The following GCNT2 variants were observed in gnomAD, a reference collection of about 807,000 sequenced individuals.
The protein encoded by GCNT2 is N-acetyllactosaminide beta-1,6-N-acetylglucosaminyl-transferase.
Under a neutral mutation model 34.2 loss-of-function variants are expected in GCNT2, and 34 were observed. The observed-to-expected ratio is 1.00, with a 90% CI of 0.76 to 1.32. The LOEUF (loss-of-function observed/expected upper bound fraction) is 1.32, where lower values mean the gene tolerates loss of function less well. Ranked by LOEUF, GCNT2 falls within the 40% of genes most tolerant of loss-of-function variation. The pLI is 0.00. For synonymous variants in GCNT2, 212 were observed against 188.0 expected (o/e 1.13, Z -1.04); for missense variants, 584 against 489.4 (o/e 1.19, Z -1.82).
At chr6:10,542,849 C>G (rs1289431524) in intron 3 of GCNT2, among the ~76,000 whole-genome samples, 1 of 149,294 alleles carries the variant, frequency 6.7e-6, no homozygotes, top group Non-Finnish European at 1.5e-5. Context: ...TTCATTTCTC[C>G]TGGGTAGATA....
At chr6:10,586,801 G>A (rs1581449193) in intron 3 of GCNT2, 1 of 1,613,912 alleles carries the variant, frequency 6.2e-7, no homozygotes, top group East Asian at 2.2e-5. Context: ...GCGCTTACCA[G>A]AGACTTTGTC....
rs1020100928 is a variant in GCNT2, at chr6:10,627,706, C to T, written c.*1099C>T. On this transcript the variant is annotated 3_prime_UTR_variant, in exon 5 of 5. Transcript: ENST00000495262. ...AAAAGGAAACATAAGAGCTTTTTCA[C>T]TCTAAAAATCTTGGCAATAATGTCA... 1.3e-5 allele frequency: 2 copies of T among 152,150 alleles called. No individual in the cohort carries two copies. The highest frequency in any genetic ancestry group is 4.8e-5 in the African/African-American group (2 of 41,436). 9.4% of individuals were successfully genotyped at this position (152,150 alleles called of 1,614,324 possible). A position where few individuals can be genotyped will look rare whatever the true frequency, so the allele number is the denominator to read the frequency against.
intron 3 of GCNT2, among the ~76,000 whole-genome samples, chr6:10,582,244 AATAT>A (rs1174591255): frequency 8.2e-6 from 1 of 121,226 alleles, no homozygotes; most frequent in Admixed American, 1.0e-4. Context: ...AAATATATAA[AATAT>A]ATATAATATA....
chr6:10,577,316 C>T (rs1763864641), intron 3 of GCNT2, among the ~76,000 whole-genome samples: 1 of 152,220 alleles, frequency 6.6e-6, no homozygotes, highest in Admixed American at 6.5e-5. Context: ...CTGGAGTTGC[C>T]TCCTCTCATC....
chr6:10,544,920 T>C (rs61067902), intron 3 of GCNT2, among the ~76,000 whole-genome samples: 2,600 of 150,952 alleles, frequency 0.017, 31 homozygotes, highest in African/African-American at 0.025. Context: ...ACCCCAGCCT[T>C]GGCAACAGAG....
chr6:10,588,290 C>T (rs1237673970), intron 3 of GCNT2, among the ~76,000 whole-genome samples: 1 of 152,188 alleles, frequency 6.6e-6, no homozygotes, highest in African/African-American at 2.4e-5. Context: ...TCTTTACAAT[C>T]ACCTATTTTA....
intron 3 of GCNT2, among the ~76,000 whole-genome samples, chr6:10,615,379 A>T (rs1765715596): frequency 6.6e-6 from 1 of 152,096 alleles, no homozygotes; most frequent in Non-Finnish European, 1.5e-5. Flanking sequence ...CAGTGGCCTG[A>T]TTTTGGCTCA....
At chr6:10,622,713 C>T (rs1044072384) in intron 4 of GCNT2, among the ~76,000 whole-genome samples, 3 of 144,286 alleles carry the variant, frequency 2.1e-5, no homozygotes, top group Non-Finnish European at 3.0e-5. Flanking sequence ...TCTATGGCAA[C>T]GAGACTTTGC....
intron 3 of GCNT2, among the ~76,000 whole-genome samples, chr6:10,531,501 A>ATATT (rs1761486701): frequency 6.6e-6 from 1 of 152,186 alleles, no homozygotes; most frequent in Non-Finnish European, 1.5e-5. Context: ...CTAACTATTG[A>ATATT]TATTTGTACA....
At chr6:10,535,208 G>C (rs1020587631) in intron 3 of GCNT2, among the ~76,000 whole-genome samples, 2 of 151,994 alleles carry the variant, frequency 1.3e-5, no homozygotes, top group Non-Finnish European at 2.9e-5. Context: ...ACAAAAACAT[G>C]GTCCATCCAG....
chr6:10,525,722 C>T (rs573974378), intron 1 of GCNT2, among the ~76,000 whole-genome samples: 140 of 152,202 alleles, frequency 9.2e-4, no homozygotes, highest in African/African-American at 3.1e-3. Flanking sequence ...ATCAAGGGAC[C>T]GTCTTAGCAT....
Position 10,626,319 on chromosome 6 carries a change from T to C in GCNT2, c.1019-98T>C, listed in dbSNP as rs984190637. The C allele has an allele frequency of 4.7e-6, 4 of 858,908 alleles. No homozygotes were observed. The African/African-American group carries it at 6.6e-5, about 14-fold the overall frequency. The allele number at this position is 858,908 out of a possible 1,614,324, so 53.2% of individuals were successfully genotyped here. A position where few individuals can be genotyped will look rare whatever the true frequency, so the allele number is the denominator to read the frequency against. On this transcript the variant is annotated intron_variant, in intron 4 of 4. Transcript: ENST00000495262. The stretch of plus-strand genomic sequence containing the variant: ...TTTGAATCCTGTACCATTGGCACAG[T>C]TGTAGTTAGTCGGAGAGTACCTCTA...
chr6:10,610,216 G>A (rs1765489712), intron 3 of GCNT2, among the ~76,000 whole-genome samples: 1 of 152,212 alleles, frequency 6.6e-6, no homozygotes, highest in African/African-American at 2.4e-5. Flanking sequence ...GGCGACTCCT[G>A]TACTGTGCAA....
At chr6:10,542,918 T>TTTTTTTTTTTTTTTTG (rs1554127853) in intron 3 of GCNT2, among the ~76,000 whole-genome samples, 1 of 141,502 alleles carries the variant, frequency 7.1e-6, no homozygotes, top group Non-Finnish European at 1.5e-5. Context: ...TTTTTTTTTT[T>TTTTTTTTTTTTTTTTG]AATTTTGAGA....
At chr6:10,536,412 G>A (rs1186715731) in intron 3 of GCNT2, among the ~76,000 whole-genome samples, 1 of 151,638 alleles carries the variant, frequency 6.6e-6, no homozygotes, top group African/African-American at 2.4e-5. Flanking sequence ...CTGGAGTGCA[G>A]TGGCGTGATC....
At chr6:10,526,554 G>C (rs1761196819) in intron 1 of GCNT2, among the ~76,000 whole-genome samples, 2 of 152,110 alleles carry the variant, frequency 1.3e-5, no homozygotes, top group African/African-American at 4.8e-5. Context: ...CAGGATTTAA[G>C]CTTGCATCTT....
rs1188331465 is a variant in GCNT2, at chr6:10,623,329, C to T, written c.1018+1886C>T. 1.0e-4 allele frequency among the ~76,000 whole-genome samples: 15 copies of T among 149,354 alleles called. No individual in the cohort carries two copies. The Admixed American group carries it at 1.0e-3, about 10-fold the overall frequency. On this transcript the variant is annotated intron_variant, in intron 4 of 4. Coordinates refer to ENST00000495262, the MANE Select transcript of GCNT2 (RefSeq NM_145649.5). ...TTTTGAGATGGAGTTTCACTCTTGT[C>T]ACCCAGGCTGGAGTACAAGTGGCAC...
chr6:10,588,784 GA>G (rs1423471606), intron 3 of GCNT2, among the ~76,000 whole-genome samples: 3 of 97,192 alleles, frequency 3.1e-5, no homozygotes, highest in Non-Finnish European at 6.9e-5. Flanking sequence ...GTGTGTGTGT[GA>G]TGTGTGTGTG....
intron 3 of GCNT2, chr6:10,575,025 G>C: frequency 1.5e-6 from 1 of 661,396 alleles, no homozygotes; most frequent in East Asian, 2.9e-5. Context: ...CGGCATGCTG[G>C]GGAACACTGC....
Sources: gnomAD v4.1 joint callset for allele counts (sites outside exome capture counted in the v4.1 genomes callset) on GRCh38, gnomAD v4.1.1 for gene constraint, MANE v1.5 for transcripts, NCBI Gene and HGNC (gene_info 2026-07-23, HGNC 2026-07-21) for gene names.